The following CSNK1A1 variants were observed in gnomAD, a reference collection of about 807,000 sequenced individuals.
CSNK1A1 encodes casein kinase I isoform alpha.
CSNK1A1 carries 7 observed loss-of-function variants against 46.1 expected under a neutral mutation model. The observed-to-expected ratio is 0.15, with a 90% CI of 0.09 to 0.29. The LOEUF (loss-of-function observed/expected upper bound fraction) is 0.29, where lower values mean the gene tolerates loss of function less well. CSNK1A1 is among the 10% of genes least tolerant of loss of function. CSNK1A1 has a pLI of 1.00. For synonymous variants in CSNK1A1, 137 were observed against 141.5 expected (o/e 0.97, Z 0.23); for missense variants, 96 against 417.1 (o/e 0.23, Z 6.71).
Position 149,502,817 on chromosome 5 carries a change from G to A in CSNK1A1, c.1006+2630C>T. On this transcript the variant is annotated intron_variant, in intron 9 of 9. Transcript: ENST00000377843. The stretch of plus-strand genomic sequence containing the variant: ...AGAGTCTCACTCTGTCACCCAGGCT[G>A]GAGTGCAGCGGCACAATCTTGGCTC... 7.6e-6 allele frequency: 7 copies of A among 917,102 alleles called. No individual in the cohort carries two copies. In the South Asian group the frequency reaches 1.5e-4, roughly 20 times the overall value. The allele number at this position is 917,102 out of a possible 1,614,324, so 56.8% of individuals were successfully genotyped here. A position where few individuals can be genotyped will look rare whatever the true frequency, so the allele number is the denominator to read the frequency against.
At position 149,513,162 on chromosome 5, in the gene CSNK1A1, C is replaced by T. The variant is rs2113092733; in HGVS notation, c.504G>A (p.Arg168=). The change falls in exon 5 of 10, where the codon AGG becomes AGA. Residue 168 remains arginine, a synonymous_variant. Coordinates refer to ENST00000377843, the MANE Select transcript of CSNK1A1 (RefSeq NM_001892.6). ...CTCTGTATGGTATGTGTTGCCTTGT[C>T]CTGTTGTCTCTGTACTTTTTGGCCA... ...FGLAKKYRDN[R]TRQHIPYRED... 6.2e-7 allele frequency: 1 copy of T among 1,613,986 alleles called. No individual in the cohort carries two copies. The highest frequency in any genetic ancestry group is 2.2e-5 in the East Asian group (1 of 44,852).
At chr5:149,524,886 C>G (rs1761680503) in intron 3 of CSNK1A1, among the ~76,000 whole-genome samples, 159 bp downstream of exon 3, 1 of 152,102 alleles carries the variant, frequency 6.6e-6, no homozygotes, top group African/African-American at 2.4e-5. Flanking sequence ...TTGTCTTATT[C>G]CCATAGGAAA....
At chr5:149,527,956 A>G (rs950310155) in intron 2 of CSNK1A1, among the ~76,000 whole-genome samples, 2 of 152,242 alleles carry the variant, frequency 1.3e-5, no homozygotes, top group African/African-American at 4.8e-5. Context: ...AGCAAATGTT[A>G]TAACCATCCA....
chr5:149,502,770 CTTTTTT>C, intron 9 of CSNK1A1: 1 of 899,730 alleles, frequency 1.1e-6, no homozygotes, highest in Non-Finnish European at 1.3e-6. Flanking sequence ...GTATGAGTTC[CTTTTTT>C]TTTTTTTTTT....
At chr5:149,510,006 CA>C in intron 6 of CSNK1A1, 53 bp from the exon 7 acceptor site, 1 of 1,284,416 alleles carries the variant, frequency 7.8e-7, no homozygotes, top group Non-Finnish European at 1.1e-6. Flanking sequence ...TGAGAAGAAC[CA>C]TGGTAGTTTA....
chr5:149,497,457 GC>G, intron 9 of CSNK1A1: 1 of 985,914 alleles, frequency 1.0e-6, no homozygotes, highest in Non-Finnish European at 1.2e-6. Context: ...AGCAAGTGAT[GC>G]TTTTTTGGCT....
chr5:149,506,943 G>T, intron 8 of CSNK1A1, 84 bp downstream of exon 8: 1 of 1,003,742 alleles, frequency 1.0e-6, no homozygotes, highest in Non-Finnish European at 1.5e-6. Context: ...CTTTACTTTA[G>T]TATTTATCAG....
chr5:149,516,192 T>C (rs1002528653), intron 4 of CSNK1A1, among the ~76,000 whole-genome samples: 1 of 152,060 alleles, frequency 6.6e-6, no homozygotes, highest in African/African-American at 2.4e-5. Context: ...TGGTGGCGCA[T>C]ACCTGTAATC....
chr5:149,551,096 G>C lies in CSNK1A1; in HGVS notation c.-132C>G, dbSNP rs377409749. On this transcript the variant is annotated 5_prime_UTR_variant, in exon 1 of 10. Transcript: ENST00000377843. ...GAAACGGAACACGGAGGCCTTTACCGGGGTTCGGGGCCCAGAATCAGCAGA... is the reference window on the plus strand; with the variant it reads ...GAAACGGAACACGGAGGCCTTTACCCGGGTTCGGGGCCCAGAATCAGCAGA... The C allele has an allele frequency of 3.9e-4, 376 of 961,938 alleles. 5 individuals carry two copies. In the South Asian group the frequency reaches 4.3e-3, roughly 11 times the overall value. 59.6% of individuals were successfully genotyped at this position (961,938 alleles called of 1,614,324 possible).
In CSNK1A1 at chr5:149,509,861, T is replaced by C; in HGVS notation, c.750+18A>G. Reference sequence around the variant, plus strand: ...TGGCTTCATTTATATTTTTTTAATATTCATCATGCATACTTACCTTACATA... The same window carrying C: ...TGGCTTCATTTATATTTTTTTAATACTCATCATGCATACTTACCTTACATA... On this transcript the variant is annotated intron_variant, in intron 7 of 9. Transcript: ENST00000377843. The C allele has an allele frequency of 6.3e-7, 1 of 1,578,942 alleles. No individual in the cohort carries two copies. Among genetic ancestry groups the C allele is most frequent in the Non-Finnish European group, 8.7e-7 (1 of 1,153,150 alleles).
Position 149,550,513 on chromosome 5 carries a change from TAA to T in CSNK1A1, c.123+327_123+328del, listed in dbSNP as rs11478467. Among the ~76,000 whole-genome samples the T allele has an allele frequency of 1.9e-4, 28 of 144,326 alleles. No individual in the cohort carries two copies. Among genetic ancestry groups the T allele is most frequent in the African/African-American group, 2.8e-4 (11 of 39,380 alleles). The allele number at this position is 144,326 out of a possible 152,430, so 94.7% of individuals were successfully genotyped here. ...CAAGAGGCCCAGTAGAATTAAGAAT[TAA>T]AAAAAAAAAAACATGGGAATCACTG... On this transcript the variant is annotated intron_variant, in intron 1 of 9. Transcript: ENST00000377843. This position sits in a 1 kb window ranked among gnomAD's most constrained non-coding sequence, Gnocchi z 4.3.
chr5:149,513,549 G>A (rs1048627184), intron 4 of CSNK1A1, among the ~76,000 whole-genome samples: 1 of 152,140 alleles, frequency 6.6e-6, no homozygotes, highest in Non-Finnish European at 1.5e-5. Flanking sequence ...CTGTCATAAT[G>A]ACACCTGATA....
intron 6 of CSNK1A1, among the ~76,000 whole-genome samples, chr5:149,511,189 C>T (rs1056418484): frequency 1.4e-4 from 21 of 152,026 alleles, no homozygotes; most frequent in South Asian, 6.2e-4. Context: ...ATTAGCTGGG[C>T]ATGGTGGCAT....
At chr5:149,538,384 G>A (rs1762128953) in intron 2 of CSNK1A1, among the ~76,000 whole-genome samples, 1 of 152,178 alleles carries the variant, frequency 6.6e-6, no homozygotes, top group Non-Finnish European at 1.5e-5. Context: ...TCAACTGAAT[G>A]AAAGAAATGG....
intron 5 of CSNK1A1, 87 bp downstream of exon 5, chr5:149,512,983 A>T: frequency 6.9e-7 from 1 of 1,459,488 alleles, no homozygotes; most frequent in Non-Finnish European, 9.4e-7. Flanking sequence ...AAACATCCTT[A>T]GACATTGTAA....
At chr5:149,539,371 T>G (rs867244727) in intron 2 of CSNK1A1, among the ~76,000 whole-genome samples, 1 of 151,486 alleles carries the variant, frequency 6.6e-6, no homozygotes, top group Admixed American at 6.6e-5. Context: ...AAGGCTGAGA[T>G]AGGAGGATCA....
chr5:149,499,950 GTTTTTTTTCTTTTTTTCT>G lies in CSNK1A1; in HGVS notation c.1007-3108_1007-3091del, dbSNP rs563077274. Among the ~76,000 whole-genome samples, 624 of 138,130 alleles carry G rather than the reference GTTTTTTTTCTTTTTTTCT, an allele frequency of 4.5e-3. 19 individuals are homozygous for G. The South Asian group carries it at 0.073, about 16-fold the overall frequency. The allele number at this position is 138,130 out of a possible 152,430, so 90.6% of individuals were successfully genotyped here. A position where few individuals can be genotyped will look rare whatever the true frequency, so the allele number is the denominator to read the frequency against. On this transcript the variant is annotated intron_variant, in intron 9 of 9. Transcript: ENST00000377843. ...ACTTTTCCTATAACATGGTTGTGGG[GTTTTTTTTCTTTTTTTCT>G]TTTTTTTTTTTTTTTTTTGAGACGG...
chr5:149,515,406 T>C (rs1161254872), intron 4 of CSNK1A1, among the ~76,000 whole-genome samples: 1 of 152,214 alleles, frequency 6.6e-6, no homozygotes, highest in African/African-American at 2.4e-5. Context: ...GCTGGAGAGT[T>C]CTTTCCTCCC....
Position 149,494,984 on chromosome 5 carries a change from AT to A in CSNK1A1, c.*1868del, listed in dbSNP as rs1467437583. ...TAAACATTTTTATTTTACACAAACT[AT>A]ACTCAAAAATAGCTTTATGAGACTG... On this transcript the variant is annotated 3_prime_UTR_variant, in exon 10 of 10. Coordinates refer to ENST00000377843, the MANE Select transcript of CSNK1A1 (RefSeq NM_001892.6). 5 of 152,248 alleles carry A rather than the reference AT, an allele frequency of 3.3e-5. No homozygotes were observed. Among genetic ancestry groups the A allele is most frequent in the Non-Finnish European group, 2.9e-5 (2 of 68,042 alleles). The allele number at this position is 152,248 out of a possible 1,614,324, so 9.4% of individuals were successfully genotyped here.
Sources: allele counts gnomAD v4.1 joint callset (sites outside exome capture counted in the v4.1 genomes callset), GRCh38; gene constraint gnomAD v4.1.1; non-coding constraint Gnocchi (gnomAD v3.1); transcripts MANE v1.5; gene names NCBI Gene and HGNC (gene_info 2026-07-23, HGNC 2026-07-21).